The following TOM1L2 variants were observed in gnomAD, a reference collection of about 807,000 sequenced individuals.
TOM1L2 encodes the protein target of myb1 like 2 membrane trafficking protein.
Under a neutral mutation model 67.9 loss-of-function variants are expected in TOM1L2, and 31 were observed. That is an observed-to-expected ratio of 0.46 (90% CI 0.34 to 0.62). The LOEUF is 0.62. Among genes scored for constraint, TOM1L2 ranks in the 20% least tolerant of loss-of-function variants. The probability of loss-of-function intolerance (pLI) is 0.01; values close to 1 mark genes in which losing one functional copy is unlikely to be tolerated. For synonymous variants in TOM1L2, 256 were observed against 254.0 expected, an observed-to-expected ratio of 1.01 and a Z score of -0.07; for missense variants, 606 against 663.5, an observed-to-expected ratio of 0.91 and a Z score of 0.95.
chr17:17,959,024 C>T (rs2041584858), intron 1 of TOM1L2, among the ~76,000 whole-genome samples: 1 of 152,218 alleles, frequency 6.6e-6, no homozygotes, highest in Admixed American at 6.5e-5. Context: ...AAGTTCTCTG[C>T]CCCTTCCCCA....
intron 7 of TOM1L2, among the ~76,000 whole-genome samples, chr17:17,878,588 T>C (rs1037439339): frequency 4.6e-5 from 7 of 152,184 alleles, no homozygotes; most frequent in Non-Finnish European, 2.9e-5. Flanking sequence ...GCGGCAAGCA[T>C]GTGCCAGCAG....
At chr17:17,918,437 C>T (rs193025080) in intron 1 of TOM1L2, among the ~76,000 whole-genome samples, 13 of 152,114 alleles carry the variant, frequency 8.5e-5, no homozygotes, top group South Asian at 6.2e-4. Context: ...AGCATCGTTG[C>T]GCCTATATAT....
chr17:17,909,449 T>C (rs1345942578), intron 1 of TOM1L2, among the ~76,000 whole-genome samples: 2 of 152,156 alleles, frequency 1.3e-5, no homozygotes, highest in Non-Finnish European at 2.9e-5. Context: ...ATGCACAATA[T>C]GGCTGAACCT....
intron 1 of TOM1L2, among the ~76,000 whole-genome samples, chr17:17,945,311 CAT>C (rs2040901212): frequency 6.6e-6 from 1 of 151,834 alleles, no homozygotes; most frequent in Non-Finnish European, 1.5e-5. Flanking sequence ...CTCTCTCTCT[CAT>C]TCCTTGATGA....
At chr17:17,864,812 T>C (rs2036758332) in intron 10 of TOM1L2, among the ~76,000 whole-genome samples, 1 of 152,150 alleles carries the variant, frequency 6.6e-6, no homozygotes, top group Non-Finnish European at 1.5e-5. Context: ...GAATTTTAAG[T>C]ATTAAATCTG....
At chr17:17,851,623 T>G (rs1325137276) in intron 12 of TOM1L2, among the ~76,000 whole-genome samples, 1 of 152,200 alleles carries the variant, frequency 6.6e-6, no homozygotes, top group Non-Finnish European at 1.5e-5. Context: ...AGGGCTCTGA[T>G]GACAAAGGGG....
chr17:17,966,628 T>C (rs1166171776), intron 1 of TOM1L2, among the ~76,000 whole-genome samples: 1 of 152,150 alleles, frequency 6.6e-6, no homozygotes, highest in Non-Finnish European at 1.5e-5. Flanking sequence ...AAAAGTAACA[T>C]AAATGGCAGC....
chr17:17,937,669 C>A (rs1598372333), intron 1 of TOM1L2, among the ~76,000 whole-genome samples: 1 of 152,304 alleles, frequency 6.6e-6, no homozygotes. Flanking sequence ...TCAGCAATGA[C>A]ACACAGCCCA....
chr17:17,870,242 C>T lies in TOM1L2; in HGVS notation c.778-769G>A, dbSNP rs576225554. On this transcript the variant is annotated intron_variant, in intron 7 of 14. Transcript: ENST00000379504. The stretch of plus-strand genomic sequence containing the variant: ...CCCCCGGTTGCCCCTGGAGCCCTCT[C>T]TACCCTTAGAAGCAACATCCCCGTG... Among the ~76,000 whole-genome samples the T allele has an allele frequency of 1.1e-4, 16 of 152,322 alleles. 1 individual carries two copies. In the South Asian group the frequency reaches 3.3e-3, roughly 32 times the overall value.
chr17:17,949,453 G>T (rs140029254), intron 1 of TOM1L2, among the ~76,000 whole-genome samples: 1 of 152,350 alleles, frequency 6.6e-6, no homozygotes, highest in East Asian at 1.9e-4. Context: ...AGCAGCTAGA[G>T]TCTTACAGGA....
At chr17:17,923,731 T>C (rs540089545) in intron 1 of TOM1L2, among the ~76,000 whole-genome samples, 8 of 151,800 alleles carry the variant, frequency 5.3e-5, no homozygotes, top group African/African-American at 1.9e-4. Flanking sequence ...GTTATACACA[T>C]CTTTAAAATG....
chr17:17,848,475 G>A (rs753967157), intron 14 of TOM1L2, among the ~76,000 whole-genome samples: 44 of 152,230 alleles, frequency 2.9e-4, no homozygotes, highest in Non-Finnish European at 5.0e-4. Context: ...TTCTGGCTCA[G>A]TGGCCCAAGG....
At chr17:17,947,314 G>A (rs1483032371) in intron 1 of TOM1L2, among the ~76,000 whole-genome samples, 4 of 152,154 alleles carry the variant, frequency 2.6e-5, no homozygotes, top group East Asian at 1.9e-4. Flanking sequence ...ATGAGCCACC[G>A]TGCCCAGGCC....
At chr17:17,966,963 A>C (rs111563061) in intron 1 of TOM1L2, among the ~76,000 whole-genome samples, 42 of 152,306 alleles carry the variant, frequency 2.8e-4, no homozygotes, top group Middle Eastern at 6.8e-3. Context: ...TTTGGGACTC[A>C]GACTGGCTTC....
At chr17:17,919,155 T>C (rs976640720) in intron 1 of TOM1L2, among the ~76,000 whole-genome samples, 2 of 152,220 alleles carry the variant, frequency 1.3e-5, no homozygotes, top group East Asian at 1.9e-4. Context: ...TCCAAGCCTT[T>C]TGGACTGCTG....
chr17:17,946,806 C>A (rs1243672830), intron 1 of TOM1L2, among the ~76,000 whole-genome samples: 1 of 152,084 alleles, frequency 6.6e-6, no homozygotes, highest in African/African-American at 2.4e-5. Context: ...CTCACTGCAA[C>A]CTCTGCCTCC....
intron 1 of TOM1L2, among the ~76,000 whole-genome samples, chr17:17,915,438 A>AT (rs2039586327): frequency 6.6e-6 from 1 of 152,116 alleles, no homozygotes; most frequent in Middle Eastern, 3.4e-3. Flanking sequence ...GATGTTGAGC[A>AT]TTTTTTCATG....
At chr17:17,857,815 T>C (rs1318319790) in intron 12 of TOM1L2, 1 of 1,535,510 alleles carries the variant, frequency 6.5e-7, no homozygotes, top group South Asian at 1.2e-5. Context: ...CAGGTCAGAC[T>C]CCCCACCTCT....
intron 1 of TOM1L2, among the ~76,000 whole-genome samples, chr17:17,932,489 A>C (rs1436364535): frequency 2.0e-5 from 3 of 152,054 alleles, no homozygotes; most frequent in Non-Finnish European, 2.9e-5. Flanking sequence ...GGATAGATGA[A>C]TTATGGTAAT....
Sources: gnomAD v4.1 joint callset for allele counts (sites outside exome capture counted in the v4.1 genomes callset) on GRCh38, gnomAD v4.1.1 for gene constraint, MANE v1.5 for transcripts, NCBI Gene and HGNC (gene_info 2026-07-23, HGNC 2026-07-21) for gene names.